GRM2: variants seen among roughly 807,000 people sequenced by gnomAD.
GRM2 encodes the protein metabotropic glutamate receptor 2.
A neutral mutation model predicts 60.4 loss-of-function variants in GRM2; 35 were observed. That is an observed-to-expected ratio of 0.58 (90% CI 0.44 to 0.77). The LOEUF (loss-of-function observed/expected upper bound fraction) is 0.77, where lower values mean the gene tolerates loss of function less well. Ranked by LOEUF, GRM2 falls within the 30% of genes least tolerant of loss-of-function variation. The pLI is 0.00. For synonymous variants in GRM2, 437 were observed against 484.1 expected (o/e 0.90, Z 1.28); for missense variants, 925 against 1,199.5 (o/e 0.77, Z 3.38).
chr3:51,715,764 C>A lies in GRM2; in HGVS notation c.1991C>A (p.Ala664Asp). Residue 664 changes from alanine to aspartate, a missense_variant, in exon 4 of 6, where the codon GCC (alanine) becomes GAC (aspartate). By Grantham distance (126) the Ala-to-Asp change is moderately radical. Coordinates refer to ENST00000395052, the MANE Select transcript of GRM2 (RefSeq NM_000839.5). The surrounding 1 kb of genome is among the most constrained non-coding windows in gnomAD (Gnocchi z 9.0). ...CGCATTGCACGCATCTTCGGTGGGG[C>A]CCGGGAGGGTGCCCAGCGGCCACGC... ...TNRIARIFGG[A>D]REGAQRPRFI... 2.5e-6 allele frequency: 4 copies of A among 1,613,544 alleles called. No individual in the cohort carries two copies. The highest frequency in any genetic ancestry group is 3.4e-6 in the Non-Finnish European group (4 of 1,179,614).
chr3:51,709,699 ACACACACACACAGCC>A (rs1270427945), intron 2 of GRM2, among the ~76,000 whole-genome samples: 4 of 1,310 alleles, frequency 3.1e-3, no homozygotes, highest in African/African-American at 0.012. Context: ...ACACACCCTC[ACACACACACACAGCC>A]CCCCACACAC....
Position 51,715,052 on chromosome 3 carries a change from C to T in GRM2, c.1289-10C>T. On this transcript the variant is annotated splice_polypyrimidine_tract_variant and intron_variant, in intron 3 of 5. Coordinates refer to ENST00000395052, the MANE Select transcript of GRM2 (RefSeq NM_000839.5). The surrounding 1 kb of genome is among the most constrained non-coding windows in gnomAD (Gnocchi z 9.0). ...GTCCAACCTTCTCTTCCTTCCCTCCCCCATCCTAGCCCCCTTTCGCCCAGC... is the reference window on the plus strand; with the variant it reads ...GTCCAACCTTCTCTTCCTTCCCTCCTCCATCCTAGCCCCCTTTCGCCCAGC... 1 of 1,513,132 alleles carries T rather than the reference C, an allele frequency of 6.6e-7. No individual in the cohort carries two copies. The highest frequency in any genetic ancestry group is 9.0e-7 in the Non-Finnish European group (1 of 1,117,234). The allele number at this position is 1,513,132 out of a possible 1,614,324, so 93.7% of individuals were successfully genotyped here.
In GRM2 at chr3:51,715,254, C is replaced by A; in HGVS notation, c.1481C>A (p.Pro494His). Residue 494 changes from proline (P) to histidine (H), a missense_variant, in exon 4 of 6, where the codon CCC becomes CAC. Transcript: ENST00000395052. The surrounding 1 kb of genome is among the most constrained non-coding windows in gnomAD (Gnocchi z 9.0). ...LIPWASPSAGPLPASRCSEPC... is the reference protein window; with the variant it reads ...LIPWASPSAGHLPASRCSEPC... ...CCATGGGCCTCACCCTCAGCCGGCC[C>A]CCTGCCCGCCTCTCGCTGCAGTGAG... 6.2e-7 allele frequency: 1 copy of A among 1,609,402 alleles called. No individual in the cohort carries two copies.
rs1185330079 is a variant in GRM2 at position 51,709,406 on chromosome 3, C to A, written c.423C>A (p.Gly141=). 1.9e-6 allele frequency: 3 copies of A among 1,567,104 alleles called. No homozygotes were observed. The highest frequency in any genetic ancestry group is 1.3e-5 in the African/African-American group (1 of 74,192). The part of the protein sequence containing the change: ...DAPTAITGVI[G]GSYSDVSIQV... ...CCACTGCCATCACTGGTGTTATTGG[C>A]GGTTCCTACAGTGATGTCTCCATCC... The change falls in exon 2 of 6, where the codon GGC becomes GGA. Residue 141 remains glycine, a synonymous_variant. Coordinates refer to ENST00000395052, the MANE Select transcript of GRM2 (RefSeq NM_000839.5).
intron 2 of GRM2, among the ~76,000 whole-genome samples, chr3:51,710,958 G>T (rs1265493188): frequency 6.6e-6 from 1 of 152,256 alleles, no homozygotes; most frequent in Non-Finnish European, 1.5e-5. Flanking sequence ...GCCTTGGCTT[G>T]GCCTCAGCTT....
At chr3:51,709,945 T>G (rs1014169564) in intron 2 of GRM2, among the ~76,000 whole-genome samples, 1 of 150,492 alleles carries the variant, frequency 6.6e-6, no homozygotes, top group Non-Finnish European at 1.5e-5. Context: ...ATTTCTCTTT[T>G]CTGTGTCACA....
intron 2 of GRM2, among the ~76,000 whole-genome samples, chr3:51,711,100 C>T (rs1478976266): frequency 2.6e-5 from 4 of 152,210 alleles, no homozygotes; most frequent in African/African-American, 4.8e-5. Flanking sequence ...GGCCTGAAGT[C>T]GGGGAGGCCT....
In GRM2 at chr3:51,715,611, T is replaced by A; in HGVS notation, c.1838T>A (p.Val613Asp). 6.2e-7 allele frequency: 1 copy of A among 1,614,204 alleles called. No individual in the cohort carries two copies. The highest frequency in any genetic ancestry group is 8.5e-7 in the Non-Finnish European group (1 of 1,180,030). Residue 613 changes from valine (V) to aspartate (D), a missense_variant, in exon 4 of 6, where the codon GTC (valine) becomes GAC (aspartate). By Grantham distance (152) the Val-to-Asp change is radical. Coordinates refer to ENST00000395052, the MANE Select transcript of GRM2 (RefSeq NM_000839.5). This position sits in a 1 kb window ranked among gnomAD's most constrained non-coding sequence, Gnocchi z 9.0. ...RELCYILLGG[V>D]FLCYCMTFIF... ...CTCTGCTACATCCTGCTGGGTGGTG[T>A]CTTCCTCTGCTACTGCATGACCTTC... is the stretch of plus-strand genomic sequence containing the variant.
At chr3:51,709,518 C>A (rs1703616934) in intron 2 of GRM2, 85 bp downstream of exon 2, 3 of 954,622 alleles carry the variant, frequency 3.1e-6, no homozygotes, top group Non-Finnish European at 4.6e-6. Flanking sequence ...GGCTCATGGG[C>A]TGCTGTGAAT....
chr3:51,713,699 T>G lies in GRM2; in HGVS notation c.1288+389T>G. 1 of 292,522 alleles carries G rather than the reference T, an allele frequency of 3.4e-6. No individual in the cohort carries two copies. The highest frequency in any genetic ancestry group is 6.5e-6 in the Non-Finnish European group (1 of 153,478). 18.1% of individuals were successfully genotyped at this position (292,522 alleles called of 1,614,324 possible). ...GTGAGCATCAGGATGACGCTCTATA[T>G]TCACGGAAAATGTCTTTCTGTCTTT... On this transcript the variant is annotated intron_variant, in intron 3 of 5. Coordinates refer to ENST00000395052, the MANE Select transcript of GRM2 (RefSeq NM_000839.5). The surrounding 1 kb of genome is among the most constrained non-coding windows in gnomAD (Gnocchi z 4.8).
chr3:51,712,785 C>G lies in GRM2; in HGVS notation c.763C>G (p.Arg255Gly). ...CCGCGCGGCCTTTGAGGGTGTGGTG[C>G]GAGCCCTGCTGCAGAAGCCCAGTGC... ...MSRAAFEGVVRALLQKPSARV... is the reference protein window; with the variant it reads ...MSRAAFEGVVGALLQKPSARV... The change falls in exon 3 of 6, where the codon CGA becomes GGA. Residue 255 changes from arginine (R) to glycine (G), a missense_variant. Physicochemically the swap from Arg to Gly is moderately radical, Grantham distance 125 (BLOSUM62 -2). Transcript: ENST00000395052. This position sits in a 1 kb window ranked among gnomAD's most constrained non-coding sequence, Gnocchi z 5.3. 6.2e-7 allele frequency: 1 copy of G among 1,613,028 alleles called. No individual in the cohort carries two copies. Among genetic ancestry groups the G allele is most frequent in the Non-Finnish European group, 8.5e-7 (1 of 1,180,040 alleles).
At chr3:51,714,558 A>C (rs1288780407) in intron 3 of GRM2, 1 of 154,540 alleles carries the variant, frequency 6.5e-6, no homozygotes. Context: ...GTTGGGATTC[A>C]GTTTGCACCA....
Position 51,708,858 on chromosome 3 carries a change from C to A in GRM2, c.-126C>A, listed in dbSNP as rs1241391290. 6 of 681,384 alleles carry A rather than the reference C, an allele frequency of 8.8e-6. No individual in the cohort carries two copies. The highest frequency in any genetic ancestry group is 9.5e-6 in the Non-Finnish European group (4 of 421,586). The allele number at this position is 681,384 out of a possible 1,614,324, so 42.2% of individuals were successfully genotyped here. A position where few individuals can be genotyped will look rare whatever the true frequency, so the allele number is the denominator to read the frequency against. On this transcript the variant is annotated 5_prime_UTR_variant, in exon 2 of 6. Transcript: ENST00000395052. ...TCTATCTCTCTGCAGGAGCTGGGTC[C>A]CTTCGCATCTCTCTTCTTGTCTGTC...
intron 2 of GRM2, among the ~76,000 whole-genome samples, chr3:51,711,027 A>G (rs1400069921): frequency 2.0e-5 from 3 of 152,254 alleles, no homozygotes; most frequent in Admixed American, 6.5e-5. Flanking sequence ...CCCCTGTCCT[A>G]GAACAGTTGT....
Position 51,712,996 on chromosome 3 carries a change from G to C in GRM2, c.974G>C (p.Ser325Thr), listed in dbSNP as rs755478612. The change falls in exon 3 of 6, where the codon AGT becomes ACT. Residue 325 changes from serine (S) to threonine (T), a missense_variant. Coordinates refer to ENST00000395052, the MANE Select transcript of GRM2 (RefSeq NM_000839.5). The surrounding 1 kb of genome is among the most constrained non-coding windows in gnomAD (Gnocchi z 5.3). ...ITIELASYPISDFASYFQSLD... is the reference protein window; with the variant it reads ...ITIELASYPITDFASYFQSLD... ...ATCGAGCTGGCCTCCTACCCCATCAGTGACTTTGCCTCCTACTTCCAGAGC... is the reference window on the plus strand; with the variant it reads ...ATCGAGCTGGCCTCCTACCCCATCACTGACTTTGCCTCCTACTTCCAGAGC... The C allele has an allele frequency of 1.2e-5, 19 of 1,613,382 alleles. 1 individual carries two copies. In the Middle Eastern group the frequency reaches 1.8e-3, roughly 154 times the overall value.
In GRM2 at chr3:51,715,385, G is replaced by A. The variant is rs201981098; in HGVS notation, c.1612G>A (p.Ala538Thr). Residue 538 changes from alanine to threonine, a missense_variant, in exon 4 of 6, where the codon GCT becomes ACT. Transcript: ENST00000395052. The surrounding 1 kb of genome is among the most constrained non-coding windows in gnomAD (Gnocchi z 9.0). ...GTACCGATTGGACGAATTCACTTGC[G>A]CTGATTGTGGCCTGGGCTACTGGCC... Reference protein sequence around the residue: ...YEYRLDEFTCADCGLGYWPNA... With the variant: ...YEYRLDEFTCTDCGLGYWPNA... The A allele has an allele frequency of 2.0e-5, 33 of 1,613,598 alleles. No individual in the cohort carries two copies. Among genetic ancestry groups the A allele is most frequent in the African/African-American group, 2.0e-4 (15 of 75,080 alleles).
intron 2 of GRM2, among the ~76,000 whole-genome samples, chr3:51,710,276 G>A (rs1448827389): frequency 2.0e-5 from 3 of 152,222 alleles, no homozygotes; most frequent in African/African-American, 4.8e-5. Flanking sequence ...TTATAGGCAT[G>A]AGCCACTGTG....
chr3:51,707,174 T>A lies in GRM2; in HGVS notation c.-137+7T>A, dbSNP rs1703541140. On this transcript the variant is annotated splice_region_variant and intron_variant, in intron 1 of 5. Transcript: ENST00000395052. ...GCCAGAGCCAGCGCGCCAGGTAGGGTGAGCCGGTGGTGGTGGTGCCGCTGC... is the reference window on the plus strand; with the variant it reads ...GCCAGAGCCAGCGCGCCAGGTAGGGAGAGCCGGTGGTGGTGGTGCCGCTGC... 1 of 151,736 alleles carries A rather than the reference T, an allele frequency of 6.6e-6. No homozygotes were observed. Among genetic ancestry groups the A allele is most frequent in the Non-Finnish European group, 1.5e-5 (1 of 67,986 alleles). 9.4% of individuals were successfully genotyped at this position (151,736 alleles called of 1,614,324 possible).
intron 3 of GRM2, 106 bp from the exon 4 acceptor site, chr3:51,714,956 G>T (rs1252650642): frequency 1.5e-6 from 1 of 648,232 alleles, no homozygotes; most frequent in African/African-American, 1.8e-5. Context: ...AAGGGCTAAT[G>T]GTGGTCTTAG....
Sources: gnomAD v4.1 joint callset for allele counts (sites outside exome capture counted in the v4.1 genomes callset) on GRCh38, gnomAD v4.1.1 for gene constraint, Gnocchi (gnomAD v3.1) non-coding constraint, MANE v1.5 for transcripts, NCBI Gene and HGNC (gene_info 2026-07-23, HGNC 2026-07-21) for gene names.